LUZP1: variants seen among roughly 807,000 people sequenced by gnomAD.
LUZP1 encodes leucine zipper protein 1.
Under a neutral mutation model 71.3 loss-of-function variants are expected in LUZP1, and 25 were observed. The observed-to-expected ratio is 0.35, with a 90% confidence interval of 0.26 to 0.49. The LOEUF is 0.49. Ranked by LOEUF, LUZP1 falls within the 20% of genes least tolerant of loss-of-function variation. LUZP1 has a pLI of 0.99. For synonymous variants in LUZP1, 481 were observed against 506.4 expected (o/e 0.95, Z 0.67); for missense variants, 1,142 against 1,300.8 (o/e 0.88, Z 1.88).
At chr1:23,158,647 CAAAAAAAAAAAAAAA>C (rs56919514) in intron 2 of LUZP1, among the ~76,000 whole-genome samples, 18,944 of 61,146 alleles carry the variant, frequency 0.31, 2,000 homozygotes, top group South Asian at 0.54. Context: ...GACTCTGTCT[CAAAAAAAAAAAAAAA>C]AAAAAAAAAA....
intron 2 of LUZP1, among the ~76,000 whole-genome samples, chr1:23,124,159 G>A (rs1644152209): frequency 6.6e-6 from 1 of 152,162 alleles, no homozygotes. Flanking sequence ...ATGGAAAGCT[G>A]CAGCCCTTCA....
chr1:23,126,207 C>T (rs1266770380), intron 2 of LUZP1, among the ~76,000 whole-genome samples: 2 of 152,124 alleles, frequency 1.3e-5, no homozygotes, highest in Non-Finnish European at 2.9e-5. Context: ...AGACCCACTC[C>T]CCTCCCTTCT....
rs760639391 is a variant in LUZP1, at chr1:23,092,478, G to T, written c.1784C>A (p.Pro595Gln). The T allele has an allele frequency of 3.1e-6, 5 of 1,613,974 alleles. No homozygotes were observed. The East Asian group carries it at 8.9e-5, about 29-fold the overall frequency. Residue 595 changes from proline to glutamine, a missense_variant, in exon 4 of 5, where the codon CCG becomes CAG. Pro to Gln is a moderately conservative substitution (Grantham distance 76). Transcript: ENST00000302291. ...CGATAGAACAGGAGCCTTGGAATTCGGGCAACTGTTATCAGCCTCAAGGCC... is the reference window on the plus strand; with the variant it reads ...CGATAGAACAGGAGCCTTGGAATTCTGGCAACTGTTATCAGCCTCAAGGCC...
At chr1:23,155,235 T>C (rs1214164767) in intron 2 of LUZP1, among the ~76,000 whole-genome samples, 1 of 152,234 alleles carries the variant, frequency 6.6e-6, no homozygotes, top group Non-Finnish European at 1.5e-5. Context: ...AGTTTCTGTA[T>C]ACTTCTGTAA....
chr1:23,094,613 G>A lies in LUZP1; in HGVS notation c.-119-233C>T, dbSNP rs1031598540. Among the ~76,000 whole-genome samples the A allele has an allele frequency of 1.8e-4, 27 of 152,192 alleles. No individual in the cohort carries two copies. Among genetic ancestry groups the A allele is most frequent in the Non-Finnish European group, 2.1e-4 (14 of 68,000 alleles). On this transcript the variant is annotated intron_variant, in intron 3 of 4. Coordinates refer to ENST00000302291, the Ensembl canonical transcript of LUZP1. This position sits in a 1 kb window ranked among gnomAD's most constrained non-coding sequence, Gnocchi z 4.7. ...AAAGAATGTCACCAGTGGCAGCATG[G>A]CAAAAAGACATATAAGAAGCCTCAA... is the stretch of plus-strand genomic sequence containing the variant.
At chr1:23,150,323 A>C (rs965949619) in intron 2 of LUZP1, among the ~76,000 whole-genome samples, 1 of 152,164 alleles carries the variant, frequency 6.6e-6, no homozygotes, top group African/African-American at 2.4e-5. Flanking sequence ...AAAAATGGCA[A>C]AACAATGGTC....
chr1:23,088,933 G>A lies in LUZP1; in HGVS notation c.3193C>T (p.Arg1065Ter), dbSNP rs138641371. ...GCACAGGGCCTGGTTGGCCGTAATC[G>A]TTCCTCGGCCCGTACTCGCCCAGAC... The change falls in exon 5 of 5, where the codon CGA (arginine) becomes TGA (stop). Residue 1065 changes from arginine to a stop codon, truncating the protein, a stop_gained. Coordinates refer to ENST00000302291, the Ensembl canonical transcript of LUZP1. LOFTEE classifies it high-confidence loss of function. The A allele has an allele frequency of 4.7e-5, 76 of 1,614,136 alleles. No individual in the cohort carries two copies. The East Asian group carries it at 1.2e-3, about 26-fold the overall frequency.
intron 2 of LUZP1, among the ~76,000 whole-genome samples, chr1:23,122,080 C>T (rs1644134334): frequency 6.6e-6 from 1 of 151,978 alleles, no homozygotes; most frequent in African/African-American, 2.4e-5. Context: ...CATTCTTCAA[C>T]TGAGTAACAT....
At chr1:23,121,692 A>G (rs568839330) in intron 2 of LUZP1, among the ~76,000 whole-genome samples, 1 of 152,052 alleles carries the variant, frequency 6.6e-6, no homozygotes. Flanking sequence ...TGCACTCCAG[A>G]TGACAGAGCA....
chr1:23,160,760 C>A (rs1644458540), intron 2 of LUZP1, among the ~76,000 whole-genome samples: 1 of 152,120 alleles, frequency 6.6e-6, no homozygotes, highest in African/African-American at 2.4e-5. Context: ...AGCTTCCAGT[C>A]AAATTAGCTA....
chr1:23,100,495 A>T (rs1643922827), intron 3 of LUZP1, among the ~76,000 whole-genome samples: 2 of 152,178 alleles, frequency 1.3e-5, no homozygotes, highest in East Asian at 1.9e-4. Flanking sequence ...CCACACAAAC[A>T]GGACATAGAC....
intron 2 of LUZP1, among the ~76,000 whole-genome samples, chr1:23,110,631 C>CACAT (rs201228651): frequency 1.4e-4 from 14 of 99,022 alleles, no homozygotes; most frequent in African/African-American, 4.9e-4. Context: ...TGAACGCGCA[C>CACAT]ACATACACAC....
At chr1:23,123,766 T>G (rs1644148916) in intron 2 of LUZP1, among the ~76,000 whole-genome samples, 1 of 152,112 alleles carries the variant, frequency 6.6e-6, no homozygotes, top group Admixed American at 6.6e-5. Context: ...ACCATAGACT[T>G]TGAACATCTC....
intron 1 of LUZP1, among the ~76,000 whole-genome samples, chr1:23,176,879 T>A (rs2806557): frequency 0.45 from 56,861 of 127,632 alleles, 11,051 homozygotes; most frequent in African/African-American, 0.57. Flanking sequence ...TTTTGGGGGG[T>A]TTTTTGTTTT....
At chr1:23,104,653 T>C (rs1404333321) in intron 3 of LUZP1, among the ~76,000 whole-genome samples, 1 of 152,214 alleles carries the variant, frequency 6.6e-6, no homozygotes, top group Non-Finnish European at 1.5e-5. Flanking sequence ...GACTGTGTTA[T>C]CTTCATTTTT....
chr1:23,117,888 G>C (rs1422923653), intron 2 of LUZP1, among the ~76,000 whole-genome samples: 2 of 151,990 alleles, frequency 1.3e-5, no homozygotes, highest in African/African-American at 2.4e-5. Flanking sequence ...TCAGGAGTTC[G>C]AGACCAACCT....
At position 23,165,766 on chromosome 1, in the gene LUZP1, C is replaced by T. The variant is rs575074742; in HGVS notation, c.-226+3000G>A. On this transcript the variant is annotated intron_variant, in intron 2 of 4. Transcript: ENST00000302291. ...TCAGCCTGGACTATCCGGGTCCTACCTGTAACAGCATGCTTTACTCATAAG... is the reference window on the plus strand; with the variant it reads ...TCAGCCTGGACTATCCGGGTCCTACTTGTAACAGCATGCTTTACTCATAAG... Among the ~76,000 whole-genome samples, 3 of 152,296 alleles carry T rather than the reference C, an allele frequency of 2.0e-5. No homozygotes were observed. The East Asian group carries it at 5.8e-4, about 29-fold the overall frequency.
chr1:23,128,100 C>T (rs548209432), intron 2 of LUZP1, among the ~76,000 whole-genome samples: 81 of 151,738 alleles, frequency 5.3e-4, no homozygotes, highest in Admixed American at 1.1e-3. Flanking sequence ...CGCTGCACTC[C>T]AGCCTGGTGA....
At chr1:23,115,609 C>T (rs997431945) in intron 2 of LUZP1, among the ~76,000 whole-genome samples, 5 of 152,106 alleles carry the variant, frequency 3.3e-5, no homozygotes, top group African/African-American at 4.8e-5. Context: ...GGCACGATCT[C>T]GGCTCACTGC....
Sources: gnomAD v4.1 joint callset for allele counts (sites outside exome capture counted in the v4.1 genomes callset) on GRCh38, gnomAD v4.1.1 for gene constraint, Gnocchi (gnomAD v3.1) non-coding constraint, MANE v1.5 for transcripts, NCBI Gene and HGNC (gene_info 2026-07-23, HGNC 2026-07-21) for gene names.